The following RAB27A variants were observed in gnomAD, a reference collection of about 807,000 sequenced individuals.
The protein encoded by RAB27A is RAB27A, member RAS oncogene family.
Under a neutral mutation model 20.8 loss-of-function variants are expected in RAB27A, and 17 were observed. That is an observed-to-expected ratio of 0.82 (90% confidence interval 0.56 to 1.23). The LOEUF is 1.23. Ranked by LOEUF, RAB27A falls within the 50% of genes most tolerant of loss-of-function variation. The pLI, the probability that RAB27A is intolerant of heterozygous loss-of-function variation, is 0.00. For missense variants in RAB27A, 277 were observed against 266.7 expected (o/e 1.04, Z -0.27); for synonymous variants, 85 against 92.8 (o/e 0.92, Z 0.48).
intron 2 of RAB27A, among the ~76,000 whole-genome samples, chr15:55,241,961 G>A (rs1288927156): frequency 6.6e-6 from 1 of 151,980 alleles, no homozygotes; most frequent in Non-Finnish European, 1.5e-5. Flanking sequence ...TTAGTTAAGA[G>A]GAAAGGGAAA....
At chr15:55,308,630 T>A (rs1307651584) in intron 2 of RAB27A, among the ~76,000 whole-genome samples, 2 of 152,196 alleles carry the variant, frequency 1.3e-5, no homozygotes, top group East Asian at 3.8e-4. Flanking sequence ...AGCAATTACT[T>A]GTTGACAGTT....
chr15:55,288,846 G>C (rs1366102135), intron 1 of RAB27A: 1 of 151,378 alleles, frequency 6.6e-6, no homozygotes, highest in Non-Finnish European at 1.5e-5. Context: ...CAAGAACAGT[G>C]AGTGGAGAAT....
At chr15:55,309,105 G>A (rs534236225) in intron 2 of RAB27A, among the ~76,000 whole-genome samples, 29 of 152,282 alleles carry the variant, frequency 1.9e-4, no homozygotes, top group Admixed American at 1.5e-3. Context: ...TCTGCTTCAG[G>A]TGTCCATCTT....
At chr15:55,274,602 A>G (rs995559873) in intron 1 of RAB27A, among the ~76,000 whole-genome samples, 7 of 150,938 alleles carry the variant, frequency 4.6e-5, no homozygotes, top group African/African-American at 1.7e-4. Context: ...ACATGGCAAA[A>G]CCCCGTTTCT....
chr15:55,235,338 C>G (rs60713987), intron 2 of RAB27A, among the ~76,000 whole-genome samples: 1 of 151,958 alleles, frequency 6.6e-6, no homozygotes, highest in African/African-American at 2.4e-5. Flanking sequence ...ATCCCAGCTA[C>G]TCAGGAGGCT....
At chr15:55,238,876 C>T (rs188056410) in intron 2 of RAB27A, among the ~76,000 whole-genome samples, 2 of 147,094 alleles carry the variant, frequency 1.4e-5, no homozygotes, top group East Asian at 3.9e-4. Flanking sequence ...ATATAAAATA[C>T]ACCATCCATT....
At chr15:55,249,672 C>G (rs1304640906) in intron 2 of RAB27A, among the ~76,000 whole-genome samples, 1 of 152,140 alleles carries the variant, frequency 6.6e-6, no homozygotes, top group African/African-American at 2.4e-5. Flanking sequence ...TCTAGTCAAG[C>G]TAGTTAGTTG....
chr15:55,248,829 T>C (rs1259300834), intron 2 of RAB27A: 1 of 152,202 alleles, frequency 6.6e-6, no homozygotes, highest in Non-Finnish European at 1.5e-5. Context: ...CAGCCAGCTA[T>C]ATATAGGTCT....
intron 2 of RAB27A, among the ~76,000 whole-genome samples, chr15:55,257,057 C>T (rs952517139): frequency 1.3e-5 from 2 of 152,140 alleles, no homozygotes; most frequent in Admixed American, 6.6e-5. Context: ...TGGAAAAGGA[C>T]ACAGCAAAGA....
At chr15:55,208,671 CT>C (rs35621469) in intron 6 of RAB27A, among the ~76,000 whole-genome samples, 4,562 of 148,312 alleles carry the variant, frequency 0.031, 107 homozygotes, top group Non-Finnish European at 0.05. Context: ...CCCTGGAAGA[CT>C]TTCCCTCGTG....
At chr15:55,239,606 G>C (rs1156332007) in intron 2 of RAB27A, among the ~76,000 whole-genome samples, 1 of 152,060 alleles carries the variant, frequency 6.6e-6, no homozygotes, top group Non-Finnish European at 1.5e-5. Context: ...AGGCTTCCTG[G>C]GTTGAGAATT....
intron 6 of RAB27A, among the ~76,000 whole-genome samples, chr15:55,223,673 A>C (rs971440674): frequency 3.9e-5 from 6 of 152,206 alleles, no homozygotes; most frequent in Admixed American, 2.0e-4. Flanking sequence ...CAAGAGTTTG[A>C]GAAAATGGGA....
chr15:55,257,116 G>A (rs188563750), intron 2 of RAB27A, among the ~76,000 whole-genome samples: 1 of 152,326 alleles, frequency 6.6e-6, no homozygotes, highest in Admixed American at 6.5e-5. Flanking sequence ...AAATAATGTT[G>A]CCAACAGAAG....
chr15:55,292,862 T>C (rs1319791402), upstream of RAB27A, among the ~76,000 whole-genome samples: 2 of 152,124 alleles, frequency 1.3e-5, no homozygotes, highest in Non-Finnish European at 1.5e-5. Flanking sequence ...GAGAGGGCAA[T>C]AGGCTTGTTA....
upstream of RAB27A, among the ~76,000 whole-genome samples, chr15:55,290,943 C>T (rs558360231): frequency 6.6e-6 from 1 of 152,358 alleles, no homozygotes; most frequent in East Asian, 1.9e-4. Context: ...GTCGCAGGCC[C>T]ACCCGGTCAA....
chr15:55,271,640 G>A (rs997412102), intron 1 of RAB27A, among the ~76,000 whole-genome samples: 1 of 152,208 alleles, frequency 6.6e-6, no homozygotes, highest in Non-Finnish European at 1.5e-5. Context: ...GGTCTTTGCT[G>A]TTGCTTTGTG....
At chr15:55,294,714 C>T (rs2054940555), upstream of RAB27A, among the ~76,000 whole-genome samples, 1 of 147,840 alleles carries the variant, frequency 6.8e-6, no homozygotes. Flanking sequence ...AATATAAGAA[C>T]TAAAACTCTA....
chr15:55,249,547 G>A (rs1472289100), intron 2 of RAB27A, among the ~76,000 whole-genome samples: 1 of 152,078 alleles, frequency 6.6e-6, no homozygotes. Flanking sequence ...TCCCAAAGTG[G>A]TGAAATTACA....
intron 1 of RAB27A, among the ~76,000 whole-genome samples, chr15:55,314,915 T>A (rs1318076973): frequency 1.3e-5 from 2 of 152,122 alleles, no homozygotes; most frequent in East Asian, 3.9e-4. Flanking sequence ...AAAAATACTT[T>A]AAATTTCATG....
Sources: allele counts gnomAD v4.1 joint callset (sites outside exome capture counted in the v4.1 genomes callset), GRCh38; gene constraint gnomAD v4.1.1; transcripts MANE v1.5; gene names NCBI Gene and HGNC (gene_info 2026-07-23, HGNC 2026-07-21).